Variants in CCDC172 observed in about 807,000 individuals in gnomAD.
CCDC172 encodes coiled-coil domain-containing protein 172.
Under a neutral mutation model 38.0 loss-of-function variants are expected in CCDC172, and 30 were observed. The ratio of observed to expected loss-of-function variants is 0.79; its 90% confidence interval spans 0.59 to 1.07. CCDC172 has a LOEUF of 1.07. Among genes scored for constraint, CCDC172 ranks in the 50% least tolerant of loss-of-function variants. The pLI, the probability that CCDC172 is intolerant of heterozygous loss-of-function variation, is 0.00. For synonymous variants in CCDC172, 78 were observed against 88.3 expected, an observed-to-expected ratio of 0.88 and a Z score of 0.66; for missense variants, 297 against 290.1, an observed-to-expected ratio of 1.02 and a Z score of -0.17.
chr10:116,370,212 A>G (rs773464701), intron 7 of CCDC172, among the ~76,000 whole-genome samples: 8 of 149,750 alleles, frequency 5.3e-5, no homozygotes, highest in Non-Finnish European at 1.0e-4. Context: ...ATTGAATTTA[A>G]TACTCTTTTC....
intron 5 of CCDC172, among the ~76,000 whole-genome samples, chr10:116,350,186 C>T (rs554916819): frequency 6.6e-6 from 1 of 152,146 alleles, no homozygotes; most frequent in Non-Finnish European, 1.5e-5. Context: ...CATTGGAGGA[C>T]TTAAGCAAAA....
At chr10:116,325,472 A>T (rs1844580322) in intron 3 of CCDC172, 84 bp downstream of exon 3, 2 of 1,056,356 alleles carry the variant, frequency 1.9e-6, no homozygotes, top group African/African-American at 3.2e-5. Context: ...GTGTTTAACC[A>T]GTTGTCCTTC....
intron 3 of CCDC172, among the ~76,000 whole-genome samples, chr10:116,340,238 G>A (rs1319774512): frequency 2.0e-5 from 3 of 151,782 alleles, no homozygotes; most frequent in African/African-American, 7.2e-5. Context: ...TAGCAGACTC[G>A]TTTTTTATTT....
chr10:116,333,876 A>C (rs1297049758), intron 3 of CCDC172, among the ~76,000 whole-genome samples: 1 of 152,176 alleles, frequency 6.6e-6, no homozygotes, highest in East Asian at 1.9e-4. Context: ...AGTGGGAAGG[A>C]TCAAAGGCAA....
intron 4 of CCDC172, 43 bp downstream of exon 4, chr10:116,340,893 T>TA: frequency 2.9e-6 from 3 of 1,020,822 alleles, no homozygotes; most frequent in African/African-American, 1.6e-5. Context: ...CACTAATATG[T>TA]AAAAAAGTAT....
At chr10:116,374,371 G>A (rs74158445) in intron 7 of CCDC172, among the ~76,000 whole-genome samples, 10,720 of 152,174 alleles carry the variant, frequency 0.07, 878 homozygotes, top group African/African-American at 0.2. Context: ...TATCTTGAGA[G>A]AGAGACCACA....
At chr10:116,324,674 C>A (rs893045021) in intron 1 of CCDC172, 61 bp downstream of exon 1, 1 of 245,840 alleles carries the variant, frequency 4.1e-6, no homozygotes, top group Non-Finnish European at 7.8e-6. Flanking sequence ...GGGACGGAGG[C>A]CTGAGTCAGG....
intron 3 of CCDC172, among the ~76,000 whole-genome samples, chr10:116,334,270 G>A (rs1303876737): frequency 6.6e-6 from 1 of 152,140 alleles, no homozygotes; most frequent in Non-Finnish European, 1.5e-5. Flanking sequence ...AAATTCTGAG[G>A]CCTTCTACCA....
Position 116,342,117 on chromosome 10 carries a change from A to G in CCDC172, c.364A>G (p.Thr122Ala). 6.4e-7 allele frequency: 1 copy of G among 1,552,982 alleles called. No individual in the cohort carries two copies. Among genetic ancestry groups the G allele is most frequent in the South Asian group, 1.2e-5 (1 of 81,678 alleles). The stretch of plus-strand genomic sequence containing the variant: ...AGACTTTAATAATGATTATGAAATA[A>G]CAAAGAAAAGAGAGCTTTTGATGAA... ...ITDFNNDYEITKKRELLMKEN... is the reference protein window; with the variant it reads ...ITDFNNDYEIAKKRELLMKEN... Residue 122 changes from threonine to alanine, a missense_variant, in exon 5 of 9, where the codon ACA becomes GCA. By Grantham distance (58) the Thr-to-Ala change is moderately conservative. Transcript: ENST00000333254.
intron 5 of CCDC172, among the ~76,000 whole-genome samples, chr10:116,347,056 A>G (rs1396208492): frequency 2.0e-5 from 3 of 152,164 alleles, no homozygotes; most frequent in Admixed American, 2.0e-4. Flanking sequence ...GCCAAGTGAG[A>G]GATTTGAGTG....
chr10:116,356,330 G>GA (rs1486082610), intron 5 of CCDC172, among the ~76,000 whole-genome samples: 1 of 122,634 alleles, frequency 8.2e-6, no homozygotes, highest in African/African-American at 3.1e-5. Flanking sequence ...ACTCCACTCA[G>GA]AAAAAAAGAA....
chr10:116,340,664 C>A, intron 3 of CCDC172, 70 bp from the exon 4 acceptor site: 1 of 736,752 alleles, frequency 1.4e-6, no homozygotes. Flanking sequence ...CAAATCTTCT[C>A]TGTTACCTAA....
chr10:116,363,046 T>A (rs1057011691), intron 7 of CCDC172, among the ~76,000 whole-genome samples: 3 of 152,252 alleles, frequency 2.0e-5, no homozygotes, highest in African/African-American at 4.8e-5. Flanking sequence ...AATAATTTTA[T>A]TATACAAGCC....
At chr10:116,372,485 C>T (rs1845196470) in intron 7 of CCDC172, among the ~76,000 whole-genome samples, 1 of 152,086 alleles carries the variant, frequency 6.6e-6, no homozygotes, top group Non-Finnish European at 1.5e-5. Context: ...AGCCCCAGCC[C>T]CTGATCTGTT....
chr10:116,334,936 G>T (rs1386924327), intron 3 of CCDC172, among the ~76,000 whole-genome samples: 1 of 151,874 alleles, frequency 6.6e-6, no homozygotes, highest in Non-Finnish European at 1.5e-5. Context: ...TAATTTATAT[G>T]TATATTTACC....
chr10:116,339,320 T>A (rs890972608), intron 3 of CCDC172, among the ~76,000 whole-genome samples: 12 of 151,998 alleles, frequency 7.9e-5, no homozygotes, highest in African/African-American at 2.9e-4. Flanking sequence ...TTAACTTCTC[T>A]GGACCTCATT....
At chr10:116,355,458 T>G (rs1462077489) in intron 5 of CCDC172, among the ~76,000 whole-genome samples, 1 of 152,092 alleles carries the variant, frequency 6.6e-6, no homozygotes, top group African/African-American at 2.4e-5. Flanking sequence ...AACAACATAA[T>G]CACATAAGGA....
rs1246705151 is a variant in CCDC172 at position 116,324,817 on chromosome 10, A to ACCCTCAGAC, written c.-65-120_-65-112dup. 1.7e-5 allele frequency: 10 copies of ACCCTCAGAC among 594,310 alleles called. No individual in the cohort carries two copies. In the Admixed American group the frequency reaches 2.7e-4, roughly 16 times the overall value. 36.8% of individuals were successfully genotyped at this position (594,310 alleles called of 1,614,324 possible). On this transcript the variant is annotated intron_variant, in intron 1 of 8. Transcript: ENST00000333254. ...GGGCAGCAGCGGCCAGCGTCCCTAGACCCTCAGACCCCTCAGACACCGTCT... is the reference window on the plus strand; with the variant it reads ...GGGCAGCAGCGGCCAGCGTCCCTAGACCCTCAGACCCCTCAGACCCCTCAGACACCGTCT...
chr10:116,330,182 T>G (rs977594666), intron 3 of CCDC172, among the ~76,000 whole-genome samples: 2 of 152,190 alleles, frequency 1.3e-5, no homozygotes, highest in Non-Finnish European at 2.9e-5. Flanking sequence ...TCTTATTATT[T>G]TGCCAATGAT....
Sources: gnomAD v4.1 joint callset for allele counts (sites outside exome capture counted in the v4.1 genomes callset) on GRCh38, gnomAD v4.1.1 for gene constraint, MANE v1.5 for transcripts, NCBI Gene and HGNC (gene_info 2026-07-23, HGNC 2026-07-21) for gene names.